The following ITM2A variants were observed in gnomAD, a reference collection of about 807,000 sequenced individuals.
ITM2A encodes integral membrane protein 2A, also known as BRICHOS domain containing 2A.
Under a neutral mutation model 16.6 loss-of-function variants are expected in ITM2A, and 11 were observed. That is an observed-to-expected ratio of 0.66 (90% CI 0.42 to 1.10). The LOEUF is 1.10. Among genes scored for constraint, ITM2A ranks in the 50% least tolerant of loss-of-function variants. The pLI, the probability that ITM2A is intolerant of heterozygous loss-of-function variation, is 0.00. For synonymous variants in ITM2A, 102 were observed against 71.2 expected (o/e 1.43, Z -2.18); for missense variants, 243 against 206.8 (o/e 1.17, Z -1.07).
chrX:79,363,524 C>T lies in ITM2A; in HGVS notation c.142G>A (p.Gly48Ser). 8.5e-7 allele frequency: 1 copy of T among 1,182,692 alleles called. No homozygotes were observed. Among genetic ancestry groups the T allele is most frequent in the Non-Finnish European group, 1.1e-6 (1 of 879,440 alleles). ...GTAAGCATACATCTCCCAGAGGAGC[C>T]CTCTTTTTCCTGGGTGGCAACTCGG... Reference protein sequence around the residue: ...ELRVATQEKEGSSGRCMLTLL... With the variant: ...ELRVATQEKESSSGRCMLTLL... Residue 48 changes from glycine to serine, a missense_variant, in exon 2 of 6, where the codon GGC becomes AGC. Coordinates refer to ENST00000373298, the MANE Select transcript of ITM2A (RefSeq NM_004867.5).
Position 79,362,706 on chromosome X carries a change from A to G in ITM2A, c.442-15T>C, listed in dbSNP as rs1390734541. ...GCAGTCATTCCCTGTTAGGTAGGGGAAAAAAGTCAGGTAAGACACAGAAGG... is the reference window on the plus strand; with the variant it reads ...GCAGTCATTCCCTGTTAGGTAGGGGGAAAAAGTCAGGTAAGACACAGAAGG... On this transcript the variant is annotated splice_polypyrimidine_tract_variant and intron_variant, in intron 3 of 5. Coordinates refer to ENST00000373298, the MANE Select transcript of ITM2A (RefSeq NM_004867.5). 1.8e-6 allele frequency: 2 copies of G among 1,112,673 alleles called. No homozygotes were observed. The highest frequency in any genetic ancestry group is 1.9e-5 in the South Asian group (1 of 52,256). 91.7% of individuals were successfully genotyped at this position (1,112,673 alleles called of 1,213,427 possible).
At position 79,367,128 on chromosome X, in the gene ITM2A, T is replaced by C; in HGVS notation, c.88A>G (p.Arg30Gly). The C allele has an allele frequency of 8.3e-7, 1 of 1,205,559 alleles. No homozygotes were observed. The highest frequency in any genetic ancestry group is 1.1e-6 in the Non-Finnish European group (1 of 891,988). Residue 30 changes from arginine (R) to glycine (G), a missense_variant, in exon 1 of 6, where the codon AGA becomes GGA. Physicochemically the swap from Arg to Gly is moderately radical, Grantham distance 125. Transcript: ENST00000373298. ...DVEALLSRTV[R>G]TQILTGKELR... ...ACCTTGCCGGTCAGTATCTGAGTTC[T>C]GACCGTGCGGCTCAGGAGGGCCTCC...
Position 79,367,186 on chromosome X carries a change from G to A in ITM2A, c.30C>T (p.Thr10=), listed in dbSNP as rs376578745. 3 of 1,208,225 alleles carry A rather than the reference G, an allele frequency of 2.5e-6. No individual in the cohort carries two copies. The African/African-American group carries it at 5.2e-5, about 21-fold the overall frequency. ...GCCGCGCCTCCTCCTTTTGCACGGCGGTAGGGGTATTGAAGGCGATTTTCA... is the reference window on the plus strand; with the variant it reads ...GCCGCGCCTCCTCCTTTTGCACGGCAGTAGGGGTATTGAAGGCGATTTTCA... MVKIAFNTP[T]AVQKEEARQD... is the part of the protein sequence containing the mutation. Residue 10 remains threonine (T), a synonymous_variant, in exon 1 of 6, where the codon ACC becomes ACT. Transcript: ENST00000373298.
Position 79,362,988 on chromosome X carries a change from C to T in ITM2A, c.395G>A (p.Ser132Asn). 1 of 1,208,282 alleles carries T rather than the reference C, an allele frequency of 8.3e-7. No homozygotes were observed. The highest frequency in any genetic ancestry group is 3.0e-5 in the East Asian group (1 of 33,818). The change falls in exon 3 of 6, where the codon AGT becomes AAT. Residue 132 changes from serine (S) to asparagine (N), a missense_variant. Coordinates refer to ENST00000373298, the MANE Select transcript of ITM2A (RefSeq NM_004867.5). The part of the protein sequence containing the change: ...NIAIIDVPVP[S>N]FSDSDPAAII... ...TGCTGCAGGGTCACTATCAGAGAAACTGGGGACAGGCACATCAATGATTGC... is the reference window on the plus strand; with the variant it reads ...TGCTGCAGGGTCACTATCAGAGAAATTGGGGACAGGCACATCAATGATTGC...
chrX:79,365,592 C>A (rs1219417167), intron 1 of ITM2A, among the ~76,000 whole-genome samples: 2 of 109,771 alleles, frequency 1.8e-5, no homozygotes, highest in Non-Finnish European at 3.8e-5. Flanking sequence ...TCATCGCACC[C>A]ACAATCCTGG....
rs959200915 is a variant in ITM2A, at chrX:79,360,929, G to T, written c.*160C>A. On this transcript the variant is annotated 3_prime_UTR_variant, in exon 6 of 6. Coordinates refer to ENST00000373298, the MANE Select transcript of ITM2A (RefSeq NM_004867.5). Reference sequence around the variant, plus strand: ...CCAATTAAACTAAAATTTGACAAGAGCTTGCAGTGGTTAGTAGTTTTTTTT... The same window carrying T: ...CCAATTAAACTAAAATTTGACAAGATCTTGCAGTGGTTAGTAGTTTTTTTT... The T allele has an allele frequency of 3.6e-6, 1 of 279,112 alleles. No homozygotes were observed. Among genetic ancestry groups the T allele is most frequent in the Admixed American group, 7.1e-5 (1 of 14,166 alleles). The allele number at this position is 279,112 out of a possible 1,213,427, so 23.0% of individuals were successfully genotyped here.
chrX:79,362,115 C>T (rs1165778741), intron 4 of ITM2A, among the ~76,000 whole-genome samples: 1 of 111,397 alleles, frequency 9.0e-6, no homozygotes, highest in Non-Finnish European at 1.9e-5. Context: ...CAGCATCTTC[C>T]ATAATGGCTG....
Position 79,361,021 on chromosome X carries a change from C to T in ITM2A, c.*68G>A, listed in dbSNP as rs901672239. The T allele has an allele frequency of 3.5e-5, 21 of 608,649 alleles. No homozygotes were observed. Among genetic ancestry groups the T allele is most frequent in the South Asian group, 1.8e-4 (6 of 32,460 alleles). The allele number at this position is 608,649 out of a possible 1,213,427, so 50.2% of individuals were successfully genotyped here. A position where few individuals can be genotyped will look rare whatever the true frequency, so the allele number is the denominator to read the frequency against. ...GTAAATATCTTGAGTATCCCATAAA[C>T]CTTAATGTTAAAGTCATATTGTAAA... On this transcript the variant is annotated 3_prime_UTR_variant, in exon 6 of 6. Transcript: ENST00000373298.
In ITM2A at chrX:79,363,444, A is replaced by C; in HGVS notation, c.222T>G (p.Ile74Met). The change falls in exon 2 of 6, where the codon ATT becomes ATG. Residue 74 changes from isoleucine (I) to methionine (M), a missense_variant. Transcript: ENST00000373298. Reference sequence around the variant, plus strand: ...TTACCTTGGGCATGAAGTACTTGTAAATGCAGGCTCCACCAACAATAAGTC... The same window carrying C: ...TTACCTTGGGCATGAAGTACTTGTACATGCAGGCTCCACCAACAATAAGTC... The part of the protein sequence containing the change: ...LAGLIVGGAC[I>M]YKYFMPKSTI... 2 of 1,159,120 alleles carry C rather than the reference A, an allele frequency of 1.7e-6. No individual in the cohort carries two copies. Among genetic ancestry groups the C allele is most frequent in the Non-Finnish European group, 2.3e-6 (2 of 862,205 alleles).
At position 79,361,153 on chromosome X, in the gene ITM2A, T is replaced by C; in HGVS notation, c.728A>G (p.Lys243Arg). ...LLGFNKRAID[K>R]CWKIRHFPNE... ...GGGGAAGTGTCTAATCTTCCAGCAT[T>C]TATCAATGGCACGTTTGTTGAAACC... Residue 243 changes from lysine to arginine, a missense_variant, in exon 6 of 6, where the codon AAA becomes AGA. Coordinates refer to ENST00000373298, the MANE Select transcript of ITM2A (RefSeq NM_004867.5). 2 of 1,203,671 alleles carry C rather than the reference T, an allele frequency of 1.7e-6. No homozygotes were observed. The highest frequency in any genetic ancestry group is 3.0e-5 in the East Asian group (1 of 33,798).
chrX:79,361,283 C>T, intron 5 of ITM2A, 46 bp downstream of exon 5: 3 of 1,148,359 alleles, frequency 2.6e-6, no homozygotes, highest in Non-Finnish European at 3.6e-6. Context: ...CCACTTTCTT[C>T]CACTGTGTAA....
At chrX:79,366,231 G>C (rs184364085) in intron 1 of ITM2A, among the ~76,000 whole-genome samples, 28 of 111,740 alleles carry the variant, frequency 2.5e-4, no homozygotes, top group African/African-American at 6.8e-4. Flanking sequence ...AGCTTCCCCA[G>C]TTCCTGTCAA....
rs1185799625 is a variant in ITM2A, at chrX:79,361,396, G to A, written c.636C>T (p.Gly212=). Residue 212 remains glycine (G), a synonymous_variant, in exon 5 of 6, where the codon GGC becomes GGT. Coordinates refer to ENST00000373298, the MANE Select transcript of ITM2A (RefSeq NM_004867.5). ...VEEIRDVSNL[G]IFIYQLCNNR... ...TATTGCAAAGTTGGTAAATAAAGAT[G>A]CCAAGGTTACTAACATCACGAATTT... 1 of 1,205,994 alleles carries A rather than the reference G, an allele frequency of 8.3e-7. No individual in the cohort carries two copies. The highest frequency in any genetic ancestry group is 1.7e-5 in the African/African-American group (1 of 57,349).
rs758712703 is a variant in ITM2A, at chrX:79,361,333, C to T, written c.699G>A (p.Leu233=). Reference sequence around the variant, plus strand: ...AGGAATACATTAGTTACTTACCCAGCAAGAGGTCTCTGCGACGAAGGCGGA... The same window carrying T: ...AGGAATACATTAGTTACTTACCCAGTAAGAGGTCTCTGCGACGAAGGCGGA... The part of the protein sequence containing the change: ...KSFRLRRRDL[L]LGFNKRAIDK... The change falls in exon 5 of 6, where the codon TTG becomes TTA. Residue 233 remains leucine (L), a synonymous_variant. Coordinates refer to ENST00000373298, the MANE Select transcript of ITM2A (RefSeq NM_004867.5). 7.5e-6 allele frequency: 9 copies of T among 1,207,752 alleles called. No homozygotes were observed. The highest frequency in any genetic ancestry group is 1.0e-5 in the Non-Finnish European group (9 of 892,643).
chrX:79,365,782 T>G (rs1158433693), intron 1 of ITM2A, among the ~76,000 whole-genome samples: 4 of 112,064 alleles, frequency 3.6e-5, no homozygotes, highest in Non-Finnish European at 7.5e-5. Flanking sequence ...ATTACATATT[T>G]GACCTCTGTC....
chrX:79,363,390 C>T, intron 2 of ITM2A, 33 bp downstream of exon 2: 3 of 1,044,444 alleles, frequency 2.9e-6, no homozygotes, highest in Non-Finnish European at 3.8e-6. Context: ...AAGTAGTAAT[C>T]CAAAGTATAA....
chrX:79,366,130 G>A (rs1437825561), intron 1 of ITM2A, among the ~76,000 whole-genome samples: 1 of 111,339 alleles, frequency 9.0e-6, no homozygotes, highest in Admixed American at 9.5e-5. Context: ...AGATTATACT[G>A]AGGAGTAGTA....
rs1925388332 is a variant in ITM2A at position 79,360,771 on chromosome X, A to G, written c.*318T>C. On this transcript the variant is annotated 3_prime_UTR_variant, in exon 6 of 6. Coordinates refer to ENST00000373298, the MANE Select transcript of ITM2A (RefSeq NM_004867.5). Reference sequence around the variant, plus strand: ...AAAGGAAAAGAAAAAACAAACAAACAAAAAAAACAACGGATGGAATTTATT... The same window carrying G: ...AAAGGAAAAGAAAAAACAAACAAACGAAAAAAACAACGGATGGAATTTATT... The G allele has an allele frequency of 7.3e-6, 1 of 137,864 alleles. No homozygotes were observed. Among genetic ancestry groups the G allele is most frequent in the Non-Finnish European group, 1.4e-5 (1 of 70,174 alleles). 11.4% of individuals were successfully genotyped at this position (137,864 alleles called of 1,213,427 possible). A position where few individuals can be genotyped will look rare whatever the true frequency, so the allele number is the denominator to read the frequency against.
chrX:79,362,012 T>G (rs748257411), intron 4 of ITM2A, among the ~76,000 whole-genome samples: 2 of 110,600 alleles, frequency 1.8e-5, no homozygotes, highest in East Asian at 5.6e-4. Context: ...CATGTGTCTT[T>G]ATAATAAAAT....
Sources: allele counts gnomAD v4.1 joint callset (sites outside exome capture counted in the v4.1 genomes callset), GRCh38; gene constraint gnomAD v4.1.1; transcripts MANE v1.5; gene names NCBI Gene and HGNC (gene_info 2026-07-23, HGNC 2026-07-21).